NR6A1: variants seen among roughly 807,000 people sequenced by gnomAD.
NR6A1 encodes retinoic acid receptor-related testis-associated receptor.
NR6A1 carries 7 observed loss-of-function variants against 59.1 expected under a neutral mutation model. That is an observed-to-expected ratio of 0.12 (90% CI 0.07 to 0.22). The LOEUF is 0.22. Among genes scored for constraint, NR6A1 ranks in the 10% least tolerant of loss-of-function variants. The probability of loss-of-function intolerance (pLI) is 1.00; values close to 1 mark genes in which losing one functional copy is unlikely to be tolerated. For missense variants in NR6A1, 468 were observed against 611.6 expected, an observed-to-expected ratio of 0.77 and a Z score of 2.48; for synonymous variants, 243 against 236.1, an observed-to-expected ratio of 1.03 and a Z score of -0.27.
chr9:124,694,109 T>C (rs1838662187), intron 2 of NR6A1, among the ~76,000 whole-genome samples: 1 of 152,176 alleles, frequency 6.6e-6, no homozygotes, highest in African/African-American at 2.4e-5. Flanking sequence ...TACAAAAATA[T>C]ACAAAGTAAA....
intron 2 of NR6A1, among the ~76,000 whole-genome samples, chr9:124,728,269 T>C (rs1839784071): frequency 6.6e-6 from 1 of 151,960 alleles, no homozygotes; most frequent in South Asian, 2.1e-4. Context: ...GACCTCGTGA[T>C]CCACCCACCT....
intron 2 of NR6A1, among the ~76,000 whole-genome samples, chr9:124,715,437 G>C (rs192461121): frequency 6.6e-6 from 1 of 152,010 alleles, no homozygotes; most frequent in Non-Finnish European, 1.5e-5. Context: ...CTGGAGGCTA[G>C]GCCAAGAGAA....
intron 2 of NR6A1, among the ~76,000 whole-genome samples, chr9:124,654,712 C>T (rs561736910): frequency 6.6e-6 from 1 of 152,280 alleles, no homozygotes; most frequent in South Asian, 2.1e-4. Context: ...TCCATCACCA[C>T]ACTACCCTAT....
chr9:124,651,915 T>A (rs1026913382), intron 2 of NR6A1, among the ~76,000 whole-genome samples: 1 of 151,998 alleles, frequency 6.6e-6, no homozygotes, highest in Admixed American at 6.6e-5. Flanking sequence ...TTTCTGCCTC[T>A]CCCAAGAAAC....
intron 2 of NR6A1, among the ~76,000 whole-genome samples, chr9:124,717,868 A>G (rs1588824496): frequency 6.6e-6 from 1 of 152,242 alleles, no homozygotes; most frequent in South Asian, 2.1e-4. Flanking sequence ...ATAACCTTGT[A>G]GAGCTGCCAG....
At chr9:124,732,867 T>C (rs1373691137) in intron 2 of NR6A1, among the ~76,000 whole-genome samples, 1 of 152,052 alleles carries the variant, frequency 6.6e-6, no homozygotes, top group East Asian at 1.9e-4. Flanking sequence ...CGGCTGATTT[T>C]TGTATTTTTG....
At chr9:124,524,645 A>G (rs879382332) in intron 9 of NR6A1, 76 bp downstream of exon 9, 2 of 1,537,838 alleles carry the variant, frequency 1.3e-6, no homozygotes, top group Admixed American at 3.8e-5. Flanking sequence ...GCACCCTGAA[A>G]ACACTGCTTG....
Position 124,540,132 on chromosome 9 carries a change from G to T in NR6A1, c.497C>A (p.Ala166Asp), listed in dbSNP as rs1352453100. ...IMSGQEFEEEANHWSNHGDSD... is the reference protein window; with the variant it reads ...IMSGQEFEEEDNHWSNHGDSD... ...ATCACCATGGTTGCTCCAGTGATTG[G>T]CCTCTTCCTCAAACTCCTGCCCAGA... Residue 166 changes from alanine to aspartate, a missense_variant, in exon 5 of 10, where the codon GCC (alanine) becomes GAC (aspartate). Physicochemically the swap from Ala to Asp is moderately radical, Grantham distance 126 (BLOSUM62 -2). This residue lies in a region of NR6A1 where 151 missense variants were observed against 142.8 expected (regional missense o/e 1.06). Coordinates refer to ENST00000487099, the MANE Select transcript of NR6A1 (RefSeq NM_033334.4). 3.7e-6 allele frequency: 6 copies of T among 1,613,846 alleles called. No individual in the cohort carries two copies. Among genetic ancestry groups the T allele is most frequent in the Non-Finnish European group, 5.1e-6 (6 of 1,179,936 alleles).
chr9:124,576,004 TAA>T (rs1834579546), intron 2 of NR6A1, among the ~76,000 whole-genome samples: 1 of 152,184 alleles, frequency 6.6e-6, no homozygotes. Flanking sequence ...AGTGAGCTTC[TAA>T]TTCTTGCATG....
At chr9:124,752,418 T>C (rs902495140) in intron 1 of NR6A1, among the ~76,000 whole-genome samples, 3 of 152,178 alleles carry the variant, frequency 2.0e-5, no homozygotes, top group Non-Finnish European at 2.9e-5. Context: ...TAGGCTTCAA[T>C]TATGGTAAAG....
chr9:124,740,231 T>G (rs566474640), intron 1 of NR6A1, among the ~76,000 whole-genome samples: 1 of 152,246 alleles, frequency 6.6e-6, no homozygotes, highest in Non-Finnish European at 1.5e-5. Flanking sequence ...TCAAGTCAGG[T>G]CTCCTCTAAT....
intron 2 of NR6A1, among the ~76,000 whole-genome samples, chr9:124,730,834 T>G (rs1839862747): frequency 6.6e-6 from 1 of 152,198 alleles, no homozygotes; most frequent in Admixed American, 6.5e-5. Flanking sequence ...GGGTACTAAA[T>G]GCTAAACTAG....
chr9:124,563,897 A>G, intron 2 of NR6A1, among the ~76,000 whole-genome samples: 1 of 152,120 alleles, frequency 6.6e-6, no homozygotes, highest in Non-Finnish European at 1.5e-5. Context: ...GTAACATAGC[A>G]AGACCCCATC....
chr9:124,595,333 A>G (rs952907529), intron 2 of NR6A1, among the ~76,000 whole-genome samples: 12 of 152,220 alleles, frequency 7.9e-5, no homozygotes, highest in African/African-American at 1.2e-4. Context: ...CCCCAATTCT[A>G]TCTATAATTA....
At chr9:124,563,698 T>A (rs1834146746) in intron 2 of NR6A1, among the ~76,000 whole-genome samples, 1 of 152,190 alleles carries the variant, frequency 6.6e-6, no homozygotes, top group African/African-American at 2.4e-5. Flanking sequence ...CTTTTCTACT[T>A]TATGATGGTA....
chr9:124,690,361 T>A (rs1272170737), intron 2 of NR6A1, among the ~76,000 whole-genome samples: 1 of 152,172 alleles, frequency 6.6e-6, no homozygotes. Flanking sequence ...TGGAGACATG[T>A]GGGTTTCAAT....
intron 2 of NR6A1, among the ~76,000 whole-genome samples, chr9:124,613,212 T>G (rs968992161): frequency 2.6e-5 from 4 of 151,994 alleles, no homozygotes; most frequent in Non-Finnish European, 5.9e-5. Flanking sequence ...GGCACATACC[T>G]GTAGTCCCAT....
intron 2 of NR6A1, among the ~76,000 whole-genome samples, chr9:124,721,953 T>G (rs1839576202): frequency 6.6e-6 from 1 of 152,230 alleles, no homozygotes; most frequent in Non-Finnish European, 1.5e-5. Context: ...AGTTCTCATC[T>G]GTAAGATGGG....
chr9:124,638,483 G>C (rs1214081465), intron 2 of NR6A1, among the ~76,000 whole-genome samples: 1 of 152,154 alleles, frequency 6.6e-6, no homozygotes, highest in Non-Finnish European at 1.5e-5. Flanking sequence ...AAGGTAGACA[G>C]AGTTCCCAAA....
Sources: allele counts gnomAD v4.1 joint callset (sites outside exome capture counted in the v4.1 genomes callset), GRCh38; gene constraint gnomAD v4.1.1; regional missense constraint gnomAD v4.1.1; transcripts MANE v1.5; gene names NCBI Gene and HGNC (gene_info 2026-07-23, HGNC 2026-07-21).